The following HAS2 variants were observed in gnomAD, a reference collection of about 807,000 sequenced individuals.
HAS2 encodes the protein hyaluronan synthase 2.
In HAS2, 16 loss-of-function variants were observed where a neutral mutation model predicts 51.6. The observed-to-expected ratio is 0.31, with a 90% CI of 0.21 to 0.47. The LOEUF (loss-of-function observed/expected upper bound fraction) is 0.47, where lower values mean the gene tolerates loss of function less well. Among genes scored for constraint, HAS2 ranks in the 20% least tolerant of loss-of-function variants. HAS2 has a pLI of 1.00. For synonymous variants in HAS2, 228 were observed against 235.5 expected (o/e 0.97, Z 0.29); for missense variants, 361 against 662.6 (o/e 0.54, Z 5.00).
intron 1 of HAS2, among the ~76,000 whole-genome samples, chr8:121,632,410 T>C (rs934933715): frequency 6.6e-6 from 1 of 152,212 alleles, no homozygotes; most frequent in Non-Finnish European, 1.5e-5. Context: ...AAATTATAAG[T>C]ACTTACTACT....
chr8:121,615,955 T>A (rs934067869), intron 3 of HAS2, among the ~76,000 whole-genome samples: 10 of 152,162 alleles, frequency 6.6e-5, no homozygotes, highest in East Asian at 1.9e-4. Context: ...CTCCTTTTTT[T>A]AAAAATCACC....
chr8:121,632,386 G>A (rs1428448597), intron 1 of HAS2, among the ~76,000 whole-genome samples: 3 of 152,112 alleles, frequency 2.0e-5, no homozygotes, highest in Non-Finnish European at 4.4e-5. Context: ...GGAAAATAGA[G>A]TTAGTTCAAT....
chr8:121,617,318 C>T, intron 2 of HAS2, 112 bp from the exon 3 acceptor site: 1 of 628,686 alleles, frequency 1.6e-6, no homozygotes, highest in East Asian at 2.8e-5. Context: ...GTCACAAGGC[C>T]TCAGTAAGCA....
At chr8:121,636,762 C>A (rs558179584) in intron 1 of HAS2, among the ~76,000 whole-genome samples, 137 of 152,286 alleles carry the variant, frequency 9.0e-4, no homozygotes, top group African/African-American at 3.2e-3. Context: ...GGAATTATAT[C>A]TATAGGTCAA....
chr8:121,616,890 G>A (rs1180490409), intron 3 of HAS2, among the ~76,000 whole-genome samples: 2 of 152,114 alleles, frequency 1.3e-5, no homozygotes, highest in African/African-American at 2.4e-5. Flanking sequence ...TATACCCCAG[G>A]ACTAAGCAAG....
chr8:121,633,037 T>A (rs375101323), intron 1 of HAS2, among the ~76,000 whole-genome samples: 1 of 152,114 alleles, frequency 6.6e-6, no homozygotes, highest in African/African-American at 2.4e-5. Context: ...TATATTTGAA[T>A]CCTCATGACA....
Position 121,629,164 on chromosome 8 carries a change from G to T in HAS2, c.177C>A (p.Ile59=), listed in dbSNP as rs1563622932. ...GCTCCAAAAAGGCAAACAGGCTTTG[G>T]ATGATGAGGTGTGATGCCAAAAAGG... ...YGAFLASHLI[I]QSLFAFLEHR... The change falls in exon 2 of 4, where the codon ATC becomes ATA. Residue 59 remains isoleucine, a synonymous_variant. Coordinates refer to ENST00000303924, the MANE Select transcript of HAS2 (RefSeq NM_005328.3). The T allele has an allele frequency of 6.2e-7, 1 of 1,614,074 alleles. No individual in the cohort carries two copies. The highest frequency in any genetic ancestry group is 8.5e-7 in the Non-Finnish European group (1 of 1,179,916).
rs1812657557 is a variant in HAS2, at chr8:121,613,022, C to A, written c.*1087G>T. 6.6e-6 allele frequency: 1 copy of A among 151,296 alleles called. No individual in the cohort carries two copies. Among genetic ancestry groups the A allele is most frequent in the Non-Finnish European group, 1.5e-5 (1 of 67,884 alleles). 9.4% of individuals were successfully genotyped at this position (151,296 alleles called of 1,614,324 possible). On this transcript the variant is annotated 3_prime_UTR_variant, in exon 4 of 4. Coordinates refer to ENST00000303924, the MANE Select transcript of HAS2 (RefSeq NM_005328.3). Reference sequence around the variant, plus strand: ...AGTAAATTCAGGCCACAGAACAAAACCTTTGATAAACTGCATTGTATGTGT... The same window carrying A: ...AGTAAATTCAGGCCACAGAACAAAAACTTTGATAAACTGCATTGTATGTGT...
At chr8:121,636,605 A>C (rs963140775) in intron 1 of HAS2, among the ~76,000 whole-genome samples, 1 of 152,102 alleles carries the variant, frequency 6.6e-6, no homozygotes, top group Non-Finnish European at 1.5e-5. Context: ...TATATTAATA[A>C]ATTATTTTTA....
chr8:121,633,136 CT>C (rs71816016), intron 1 of HAS2, among the ~76,000 whole-genome samples: 342 of 128,006 alleles, frequency 2.7e-3, no homozygotes, highest in South Asian at 9.5e-3. Context: ...GTTTCCCTAC[CT>C]TTTTTTTTTT....
intron 1 of HAS2, among the ~76,000 whole-genome samples, chr8:121,632,958 C>A (rs1485904540): frequency 2.0e-5 from 3 of 151,776 alleles, no homozygotes; most frequent in Non-Finnish European, 2.9e-5. Context: ...TTGTTATAGT[C>A]AAAAAACTAG....
chr8:121,623,297 G>T (rs955753536), intron 2 of HAS2, among the ~76,000 whole-genome samples: 1 of 152,112 alleles, frequency 6.6e-6, no homozygotes, highest in Non-Finnish European at 1.5e-5. Flanking sequence ...GAAAATGAGT[G>T]AAAGTTATAA....
Position 121,641,158 on chromosome 8 carries a change from C to CTTTTTTTTTTTTT in HAS2, c.-319_-307dup, listed in dbSNP as rs71573616. The stretch of plus-strand genomic sequence containing the variant: ...TAACTTTTCTTTTTTCTTTTCTTTT[C>CTTTTTTTTTTTTT]TTTTTTTTTTTTTTTTTTTTTTGGG... On this transcript the variant is annotated 5_prime_UTR_variant, in exon 1 of 4. Transcript: ENST00000303924. 4.6e-4 allele frequency: 26 copies of CTTTTTTTTTTTTT among 57,014 alleles called. No individual in the cohort carries two copies. The highest frequency in any genetic ancestry group is 5.8e-4 in the Non-Finnish European group (18 of 30,854). The allele number at this position is 57,014 out of a possible 1,614,324, so 3.5% of individuals were successfully genotyped here. A position where few individuals can be genotyped will look rare whatever the true frequency, so the allele number is the denominator to read the frequency against.
At chr8:121,630,194 A>G (rs1812911995) in intron 1 of HAS2, among the ~76,000 whole-genome samples, 3 of 152,126 alleles carry the variant, frequency 2.0e-5, no homozygotes, top group Admixed American at 6.6e-5. Context: ...AACACAATAA[A>G]TGTTTGTAGA....
chr8:121,634,162 C>G (rs965387552), intron 1 of HAS2, among the ~76,000 whole-genome samples: 2 of 151,758 alleles, frequency 1.3e-5, no homozygotes, highest in Non-Finnish European at 2.9e-5. Flanking sequence ...CACCTGGTCT[C>G]GAACTCCTGA....
intron 2 of HAS2, among the ~76,000 whole-genome samples, chr8:121,625,097 CA>C (rs537345385): frequency 1.9e-3 from 112 of 57,948 alleles, no homozygotes; most frequent in Middle Eastern, 9.8e-3. Flanking sequence ...GACTCCGTCT[CA>C]AAAAAAAAAA....
chr8:121,612,478 A>G lies in HAS2; in HGVS notation c.*1631T>C, dbSNP rs1014825857. The G allele has an allele frequency of 6.6e-6, 1 of 151,816 alleles. No homozygotes were observed. Among genetic ancestry groups the G allele is most frequent in the African/African-American group, 2.4e-5 (1 of 41,132 alleles). 9.4% of individuals were successfully genotyped at this position (151,816 alleles called of 1,614,324 possible). On this transcript the variant is annotated 3_prime_UTR_variant, in exon 4 of 4. Transcript: ENST00000303924. ...CATAAAAAAGAGGCAGAAAGGCAGG[A>G]AGCCCATTTTTTTTTTAACACTTCT...
rs780998853 is a variant in HAS2, at chr8:121,629,189, G to C, written c.152C>G (p.Ala51Gly). The C allele has an allele frequency of 3.7e-6, 6 of 1,613,856 alleles. No homozygotes were observed. The highest frequency in any genetic ancestry group is 4.5e-5 in the East Asian group (2 of 44,882). The change falls in exon 2 of 4, where the codon GCC (alanine) becomes GGC (glycine). Residue 51 changes from alanine to glycine, a missense_variant. By Grantham distance (60) the Ala-to-Gly change is moderately conservative. This residue lies in a region of HAS2 where 145 missense variants were observed against 217.6 expected (regional missense o/e 0.67). Coordinates refer to ENST00000303924, the MANE Select transcript of HAS2 (RefSeq NM_005328.3). ...GATGATGAGGTGTGATGCCAAAAAG[G>C]CACCATACAGTCCAAAAGAGAAATA... ...NYYFSFGLYG[A>G]FLASHLIIQS...
Position 121,613,614 on chromosome 8 carries a change from T to G in HAS2, c.*495A>C, listed in dbSNP as rs1334002508. The G allele has an allele frequency of 1.3e-5, 2 of 155,446 alleles. No individual in the cohort carries two copies. Among genetic ancestry groups the G allele is most frequent in the Non-Finnish European group, 2.9e-5 (2 of 69,794 alleles). The allele number at this position is 155,446 out of a possible 1,614,324, so 9.6% of individuals were successfully genotyped here. ...ACAAAATTTAAAAACACAGTACAAT[T>G]ATATCAAAATACAGCACAGCCAACG... On this transcript the variant is annotated 3_prime_UTR_variant, in exon 4 of 4. Coordinates refer to ENST00000303924, the MANE Select transcript of HAS2 (RefSeq NM_005328.3).
Sources: allele counts gnomAD v4.1 joint callset (sites outside exome capture counted in the v4.1 genomes callset), GRCh38; gene constraint gnomAD v4.1.1; regional missense constraint gnomAD v4.1.1; transcripts MANE v1.5; gene names NCBI Gene and HGNC (gene_info 2026-07-23, HGNC 2026-07-21).